The following CLMP variants were observed in gnomAD, a reference collection of about 807,000 sequenced individuals.
The protein encoded by CLMP is CXADR-like membrane protein.
A neutral mutation model predicts 45.2 loss-of-function variants in CLMP; 27 were observed. That is an observed-to-expected ratio of 0.60 (90% CI 0.44 to 0.82). CLMP has a LOEUF of 0.82. Among genes scored for constraint, CLMP ranks in the 40% least tolerant of loss-of-function variants. The pLI is 0.00. For missense variants in CLMP, 403 were observed against 448.4 expected, an observed-to-expected ratio of 0.90 and a Z score of 0.91; for synonymous variants, 167 against 171.4, an observed-to-expected ratio of 0.97 and a Z score of 0.20.
intron 1 of CLMP, among the ~76,000 whole-genome samples, chr11:123,135,467 T>C (rs1273999754): frequency 1.3e-5 from 2 of 152,160 alleles, no homozygotes; most frequent in South Asian, 2.1e-4. Flanking sequence ...GTGTCTGTCA[T>C]AGATATTTCA....
intron 1 of CLMP, among the ~76,000 whole-genome samples, chr11:123,147,816 C>G (rs1861259779): frequency 7.0e-6 from 1 of 143,168 alleles, no homozygotes; most frequent in Admixed American, 7.0e-5. Flanking sequence ...AAGACACTGA[C>G]TTTTTTTTTT....
chr11:123,118,983 TTCTTTCTTTCTTTCTTTCTCTCTC>T (rs1860765035), intron 1 of CLMP, among the ~76,000 whole-genome samples: 13 of 41,944 alleles, frequency 3.1e-4, no homozygotes, highest in East Asian at 1.6e-3. Context: ...CTTTCTTTCT[TTCTTTCTTTCTTTCTTTCTCTCTC>T]TCTCTCTCTC....
At position 123,083,159 on chromosome 11, in the gene CLMP, T is replaced by C. The variant is rs775445474; in HGVS notation, c.605A>G (p.Tyr202Cys). The change falls in exon 5 of 7, where the codon TAC (tyrosine) becomes TGC (cysteine). Residue 202 changes from tyrosine (Y) to cysteine (C), a missense_variant. Coordinates refer to ENST00000448775, the MANE Select transcript of CLMP (RefSeq NM_024769.5). ...TGCTGTGCACTGGTACAGTCCAGAG[T>C]AGGACATGGTAAGATTCTGCAGCAG... Reference protein sequence around the residue: ...RVLLQNLTMSYSGLYQCTAGN... With the variant: ...RVLLQNLTMSCSGLYQCTAGN... 7 of 1,613,840 alleles carry C rather than the reference T, an allele frequency of 4.3e-6. No homozygotes were observed. Among genetic ancestry groups the C allele is most frequent in the Non-Finnish European group, 5.1e-6 (6 of 1,179,910 alleles).
intron 1 of CLMP, among the ~76,000 whole-genome samples, chr11:123,118,945 CTTT>C (rs1860757278): frequency 7.9e-4 from 14 of 17,754 alleles, no homozygotes; most frequent in African/African-American, 2.6e-3. Flanking sequence ...TTCTTTCTTT[CTTT>C]CTTTCTTTCT....
intron 1 of CLMP, among the ~76,000 whole-genome samples, chr11:123,166,787 GT>G (rs1330624900): frequency 6.6e-6 from 1 of 152,188 alleles, no homozygotes; most frequent in Non-Finnish European, 1.5e-5. Context: ...GATTTTGAAT[GT>G]TCTCACCACA....
chr11:123,140,904 G>A (rs933097356), intron 1 of CLMP, among the ~76,000 whole-genome samples: 3 of 152,130 alleles, frequency 2.0e-5, no homozygotes, highest in African/African-American at 4.8e-5. Context: ...CCTCATGAAT[G>A]TCTTGGCTCC....
At chr11:123,101,140 G>C (rs1052795718) in intron 1 of CLMP, among the ~76,000 whole-genome samples, 1 of 152,108 alleles carries the variant, frequency 6.6e-6, no homozygotes. Context: ...ATGGAGTCTC[G>C]CTCTGTCACC....
chr11:123,128,899 T>C (rs533221890), intron 1 of CLMP, among the ~76,000 whole-genome samples: 1 of 152,316 alleles, frequency 6.6e-6, no homozygotes, highest in Non-Finnish European at 1.5e-5. Flanking sequence ...GTATGATTTT[T>C]ATTCCCATTT....
intron 1 of CLMP, among the ~76,000 whole-genome samples, chr11:123,110,608 A>C (rs1269414466): frequency 1.3e-5 from 2 of 152,016 alleles, no homozygotes; most frequent in East Asian, 3.9e-4. Context: ...AACAGACCGA[A>C]ACTTCTCAAA....
At position 123,086,757 on chromosome 11, in the gene CLMP, G is replaced by A. The variant is rs561609758; in HGVS notation, c.187-2044C>T. Among the ~76,000 whole-genome samples, 24 of 152,260 alleles carry A rather than the reference G, an allele frequency of 1.6e-4. No individual in the cohort carries two copies. In the South Asian group the frequency reaches 4.8e-3, roughly 30 times the overall value. ...GCCAGATGCGTGGTGGTTCACGCCT[G>A]TAATCCAAGCACTTTGGGAGACCAA... On this transcript the variant is annotated intron_variant, in intron 2 of 6. Coordinates refer to ENST00000448775, the MANE Select transcript of CLMP (RefSeq NM_024769.5).
chr11:123,119,290 T>G (rs900786918), intron 1 of CLMP, among the ~76,000 whole-genome samples: 6 of 151,520 alleles, frequency 4.0e-5, no homozygotes, highest in African/African-American at 1.5e-4. Flanking sequence ...TCCATGTTGG[T>G]CAGACTGGTC....
chr11:123,105,903 G>A (rs1023930603), intron 1 of CLMP, among the ~76,000 whole-genome samples: 5 of 150,364 alleles, frequency 3.3e-5, no homozygotes, highest in South Asian at 4.2e-4. Flanking sequence ...TGCAACCTCC[G>A]CCTCCCGGGT....
chr11:123,159,562 A>C (rs1377179794), intron 1 of CLMP, among the ~76,000 whole-genome samples: 2 of 152,242 alleles, frequency 1.3e-5, no homozygotes, highest in African/African-American at 4.8e-5. Context: ...GTGCTGTGTC[A>C]GTTTTAATTT....
chr11:123,172,052 A>G (rs1288421969), intron 1 of CLMP, among the ~76,000 whole-genome samples: 1 of 152,040 alleles, frequency 6.6e-6, no homozygotes. Flanking sequence ...TATTATGAGC[A>G]TTTATCCAAG....
chr11:123,185,881 A>C (rs1861828352), intron 1 of CLMP, among the ~76,000 whole-genome samples: 1 of 152,202 alleles, frequency 6.6e-6, no homozygotes, highest in Non-Finnish European at 1.5e-5. Context: ...AGCAAACATA[A>C]TTCAACACAT....
chr11:123,166,298 C>T (rs1280232349), intron 1 of CLMP, among the ~76,000 whole-genome samples: 1 of 152,206 alleles, frequency 6.6e-6, no homozygotes, highest in Admixed American at 6.5e-5. Flanking sequence ...TCTCTTTCGC[C>T]AAGCCCCAGG....
intron 1 of CLMP, among the ~76,000 whole-genome samples, chr11:123,123,918 A>T (rs1164820890): frequency 2.0e-5 from 3 of 152,192 alleles, no homozygotes; most frequent in African/African-American, 4.8e-5. Flanking sequence ...TGAGAGACAA[A>T]TGGAGGGAAA....
At chr11:123,150,517 AAGGAAGGAAGGAAAGAAACAAGC>A (rs1262975909) in intron 1 of CLMP, among the ~76,000 whole-genome samples, 1 of 128,268 alleles carries the variant, frequency 7.8e-6, no homozygotes, top group African/African-American at 3.3e-5. Context: ...GGAAGGAAGG[AAGGAAGGAAGGAAAGAAACAAGC>A]AAGGAAGGAA....
intron 1 of CLMP, among the ~76,000 whole-genome samples, chr11:123,184,991 G>A (rs906308920): frequency 3.9e-5 from 6 of 152,146 alleles, no homozygotes; most frequent in African/African-American, 1.4e-4. Flanking sequence ...GTGCTCTCGG[G>A]GCTGAGAGGG....
Sources: allele counts gnomAD v4.1 joint callset (sites outside exome capture counted in the v4.1 genomes callset), GRCh38; gene constraint gnomAD v4.1.1; transcripts MANE v1.5; gene names NCBI Gene and HGNC (gene_info 2026-07-23, HGNC 2026-07-21).